The following CAPN9 variants were observed in gnomAD, a reference collection of about 807,000 sequenced individuals.
CAPN9 encodes the protein calpain-9.
In CAPN9, 81 loss-of-function variants were observed where a neutral mutation model predicts 92.8. The ratio of observed to expected loss-of-function variants is 0.87; its 90% confidence interval spans 0.73 to 1.05. The LOEUF (loss-of-function observed/expected upper bound fraction) is 1.05. Ranked by LOEUF, CAPN9 falls within the 50% of genes least tolerant of loss-of-function variation. The probability of loss-of-function intolerance (pLI) is 0.00; values close to 1 mark genes in which losing one functional copy is unlikely to be tolerated. For synonymous variants in CAPN9, 304 were observed against 328.0 expected (o/e 0.93, Z 0.79); for missense variants, 848 against 866.2 (o/e 0.98, Z 0.26).
At chr1:230,770,247 C>G (rs1666303408) in intron 6 of CAPN9, among the ~76,000 whole-genome samples, 1 of 152,182 alleles carries the variant, frequency 6.6e-6, no homozygotes, top group Non-Finnish European at 1.5e-5. Flanking sequence ...ACCAGGAACA[C>G]CAATGGTAAA....
At chr1:230,799,632 G>A (rs1668555906) in intron 19 of CAPN9, among the ~76,000 whole-genome samples, 1 of 152,162 alleles carries the variant, frequency 6.6e-6, no homozygotes, top group Admixed American at 6.5e-5. Flanking sequence ...TTCTTCTCTA[G>A]TTTTGTCTTT....
In CAPN9 at chr1:230,765,212, G is replaced by GACACACACACACAC. The variant is rs56286310; in HGVS notation, c.537-2295_537-2282dup. 5.9e-3 allele frequency among the ~76,000 whole-genome samples: 773 copies of GACACACACACACAC among 132,126 alleles called. 8 individuals are homozygous for GACACACACACACAC. The highest frequency in any genetic ancestry group is 9.4e-3 in the Non-Finnish European group (589 of 62,662). The allele number at this position is 132,126 out of a possible 152,430, so 86.7% of individuals were successfully genotyped here. On this transcript the variant is annotated intron_variant, in intron 4 of 19. Transcript: ENST00000271971. ...TGCCAGAAAATGAGAACACATGCAA[G>GACACACACACACAC]ACACACACACACACACACACACACA...
rs781722724 is a variant in CAPN9 at position 230,790,148 on chromosome 1, C to T, written c.1616C>T (p.Ala539Val). 4 of 1,613,942 alleles carry T rather than the reference C, an allele frequency of 2.5e-6. No homozygotes were observed. The South Asian group carries it at 4.4e-5, about 18-fold the overall frequency. ...QVAGEDMEVT[A>V]EELEYVLNAV... is the part of the protein sequence containing the mutation. ...CTTCAACAGGACATGGAGGTGACAG[C>T]AGAGGAACTTGAGTATGTTTTAAAT... is the stretch of plus-strand genomic sequence containing the variant. Residue 539 changes from alanine (A) to valine (V), a missense_variant, in exon 14 of 20, where the codon GCA (alanine) becomes GTA (valine). Coordinates refer to ENST00000271971, the MANE Select transcript of CAPN9 (RefSeq NM_006615.3).
At chr1:230,772,193 T>C in intron 7 of CAPN9, 94 bp downstream of exon 7, 1 of 1,025,928 alleles carries the variant, frequency 9.7e-7, no homozygotes, top group East Asian at 2.4e-5. Context: ...GCCTGTCTAC[T>C]ATCCTCCCGG....
chr1:230,771,686 G>A (rs1027413955), intron 6 of CAPN9, among the ~76,000 whole-genome samples: 8 of 152,196 alleles, frequency 5.3e-5, no homozygotes, highest in Non-Finnish European at 1.0e-4. Flanking sequence ...GGAGATCCAA[G>A]TCTAGAGAGA....
intron 3 of CAPN9, among the ~76,000 whole-genome samples, chr1:230,761,555 A>AACACACACAC (rs147168033): frequency 0.15 from 22,693 of 150,496 alleles, 1,875 homozygotes; most frequent in South Asian, 0.28. Flanking sequence ...TCTTCCTTAA[A>AACACACACAC]ACACACACAC....
intron 11 of CAPN9, among the ~76,000 whole-genome samples, chr1:230,785,006 A>G (rs1411827172): frequency 6.6e-6 from 1 of 152,246 alleles, no homozygotes; most frequent in African/African-American, 2.4e-5. Flanking sequence ...GATGTAGGAC[A>G]TGGAGTCAAA....
rs770366418 is a variant in CAPN9 at position 230,779,034 on chromosome 1, G to C, written c.1015G>C (p.Asp339His). 6.2e-7 allele frequency: 1 copy of C among 1,613,184 alleles called. No individual in the cohort carries two copies. Among genetic ancestry groups the C allele is most frequent in the Non-Finnish European group, 8.5e-7 (1 of 1,179,728 alleles). ...DKVEICNLTP[D>H]ALEEDAIHKW... ...AGTGGAGATCTGCAACCTCACTCCC[G>C]ATGCCCTGGAGGAAGACGCGATCCA... The change falls in exon 9 of 20, where the codon GAT becomes CAT. Residue 339 changes from aspartate (D) to histidine (H), a missense_variant. Transcript: ENST00000271971.
intron 19 of CAPN9, among the ~76,000 whole-genome samples, chr1:230,798,770 A>G (rs1480816150): frequency 6.6e-6 from 1 of 152,138 alleles, no homozygotes; most frequent in East Asian, 1.9e-4. Flanking sequence ...ATCCCAGTGG[A>G]CCCATCTGCT....
intron 17 of CAPN9, 93 bp downstream of exon 17, chr1:230,793,021 C>A: frequency 1.0e-6 from 1 of 959,226 alleles, no homozygotes; most frequent in Non-Finnish European, 1.7e-6. Context: ...CTCTGCTGCC[C>A]AGGAGGTGGG....
intron 9 of CAPN9, 98 bp downstream of exon 9, chr1:230,779,231 A>T: frequency 8.6e-7 from 1 of 1,165,996 alleles, no homozygotes; most frequent in South Asian, 1.5e-5. Flanking sequence ...GAAAGCCTGA[A>T]ACATAGTAAG....
At chr1:230,791,167 G>A (rs1380211524) in intron 14 of CAPN9, among the ~76,000 whole-genome samples, 3 of 152,058 alleles carry the variant, frequency 2.0e-5, no homozygotes, top group Non-Finnish European at 4.4e-5. Context: ...TGGTCATTAT[G>A]AATAATGCAA....
chr1:230,792,070 A>C, intron 15 of CAPN9, 142 bp downstream of exon 15: 2 of 690,972 alleles, frequency 2.9e-6, no homozygotes, highest in Non-Finnish European at 4.9e-6. Flanking sequence ...AATAACCCAA[A>C]GCTGGGGGAC....
chr1:230,773,492 A>G (rs1666526381), intron 7 of CAPN9, among the ~76,000 whole-genome samples: 3 of 152,200 alleles, frequency 2.0e-5, no homozygotes, highest in Non-Finnish European at 4.4e-5. Context: ...AGAAATCAAG[A>G]AAGTGACTGA....
chr1:230,747,776 G>A lies in CAPN9; in HGVS notation c.213+67G>A, dbSNP rs962498652. 1.1e-5 allele frequency: 15 copies of A among 1,428,216 alleles called. No homozygotes were observed. The African/African-American group carries it at 1.4e-4, about 13-fold the overall frequency. 88.5% of individuals were successfully genotyped at this position (1,428,216 alleles called of 1,614,324 possible). On this transcript the variant is annotated intron_variant, in intron 1 of 19. Transcript: ENST00000271971. ...GGTTCAGCAGCCCCCGCAGGAAGTGGAAACAGGGGTGCTGGGGAGGGGCCG... is the reference window on the plus strand; with the variant it reads ...GGTTCAGCAGCCCCCGCAGGAAGTGAAAACAGGGGTGCTGGGGAGGGGCCG...
At chr1:230,772,871 T>C (rs1039255907) in intron 7 of CAPN9, among the ~76,000 whole-genome samples, 3 of 151,872 alleles carry the variant, frequency 2.0e-5, no homozygotes, top group East Asian at 3.9e-4. Context: ...TCTGTGTGTG[T>C]CCCCACAGCT....
At chr1:230,751,589 G>C (rs1288212958) in intron 1 of CAPN9, among the ~76,000 whole-genome samples, 347 of 24,270 alleles carry the variant, frequency 0.014, 3 homozygotes, top group African/African-American at 0.06. Flanking sequence ...AAGAAACAAA[G>C]AAAGAAAGAA....
At chr1:230,799,823 A>T (rs1255158692) in intron 19 of CAPN9, among the ~76,000 whole-genome samples, 1 of 152,110 alleles carries the variant, frequency 6.6e-6, no homozygotes, top group African/African-American at 2.4e-5. Context: ...GCTTGAGGCC[A>T]GGGGTTTGAG....
intron 8 of CAPN9, among the ~76,000 whole-genome samples, chr1:230,777,679 C>T (rs1353673353): frequency 6.6e-6 from 1 of 151,268 alleles, no homozygotes; most frequent in Non-Finnish European, 1.5e-5. Flanking sequence ...TGTGCCCCAC[C>T]ACCCCACTAA....
Sources: allele counts gnomAD v4.1 joint callset (sites outside exome capture counted in the v4.1 genomes callset), GRCh38; gene constraint gnomAD v4.1.1; transcripts MANE v1.5; gene names NCBI Gene and HGNC (gene_info 2026-07-23, HGNC 2026-07-21).